Variants in NDUFAF7 observed in about 807,000 individuals in gnomAD.
NDUFAF7 encodes the protein NADH:ubiquinone oxidoreductase complex assembly factor 7.
A neutral mutation model predicts 47.2 loss-of-function variants in NDUFAF7; 48 were observed. That is an observed-to-expected ratio of 1.02 (90% CI 0.81 to 1.29). The LOEUF is 1.29. NDUFAF7 is among the 50% of genes most tolerant of loss of function. The pLI is 0.00. For synonymous variants in NDUFAF7, 217 were observed against 190.0 expected (o/e 1.14, Z -1.17); for missense variants, 635 against 537.6 (o/e 1.18, Z -1.79).
intron 6 of NDUFAF7, 67 bp from the exon 7 acceptor site, chr2:37,243,796 T>G: frequency 8.5e-7 from 1 of 1,182,324 alleles, no homozygotes; most frequent in Non-Finnish European, 1.3e-6. Context: ...AAAAAGCTAT[T>G]TTTGGTAGAA....
At chr2:37,240,180 C>T (rs977850015) in intron 4 of NDUFAF7, among the ~76,000 whole-genome samples, 1 of 152,118 alleles carries the variant, frequency 6.6e-6, no homozygotes, top group African/African-American at 2.4e-5. Context: ...CCTGTAATCG[C>T]AGCACTTTGG....
downstream of NDUFAF7, chr2:37,256,628 ATTTT>A (rs56389006): frequency 0.15 from 177,072 of 1,157,822 alleles, 5,020 homozygotes; most frequent in Non-Finnish European, 0.17. Flanking sequence ...CATAGCCAAA[ATTTT>A]TTTTTTTTTT....
chr2:37,256,542 A>G (rs1262661067), downstream of NDUFAF7: 3 of 1,252,186 alleles, frequency 2.4e-6, no homozygotes, highest in African/African-American at 4.6e-5. Flanking sequence ...TGGAAGATGA[A>G]TGGGAGATGT....
chr2:37,247,723 T>C, intron 9 of NDUFAF7, 94 bp downstream of exon 9: 1 of 1,418,982 alleles, frequency 7.0e-7, no homozygotes, highest in Non-Finnish European at 9.8e-7. Context: ...AATGCTCTTG[T>C]AGTTAGCCAA....
intron 6 of NDUFAF7, 82 bp from the exon 7 acceptor site, chr2:37,243,781 A>G: frequency 1.1e-6 from 1 of 945,182 alleles, no homozygotes; most frequent in East Asian, 2.6e-5. Context: ...TTATGGTAAG[A>G]GGAGAAAAAG....
At chr2:37,269,770 TCAATA>T in the NDUFAF7 span, 13 of 946,014 alleles carry the variant, frequency 1.4e-5, no homozygotes, top group Non-Finnish European at 2.1e-5. Context: ...TCCAAATACT[TCAATA>T]CATTTTTATG....
chr2:37,256,018 T>C (rs912526455), downstream of NDUFAF7, among the ~76,000 whole-genome samples: 1 of 151,856 alleles, frequency 6.6e-6, no homozygotes, highest in African/African-American at 2.4e-5. Flanking sequence ...TCAATAAAAA[T>C]AAAAAAAGAT....
downstream of NDUFAF7, chr2:37,256,628 ATTTTTTTTT>A (rs56389006): frequency 9.9e-3 from 11,819 of 1,192,228 alleles, 29 homozygotes; most frequent in East Asian, 0.025. Flanking sequence ...CATAGCCAAA[ATTTTTTTTT>A]TTTTTTTTTT....
chr2:37,258,945 G>C, the NDUFAF7 span, among the ~76,000 whole-genome samples: 2 of 152,042 alleles, frequency 1.3e-5, no homozygotes, highest in Admixed American at 1.3e-4. Flanking sequence ...AATGGCTGCA[G>C]GGTACCACCA....
chr2:37,258,695 A>G, the NDUFAF7 span, among the ~76,000 whole-genome samples: 1 of 152,242 alleles, frequency 6.6e-6, no homozygotes, highest in Non-Finnish European at 1.5e-5. Flanking sequence ...ATGATAGGGA[A>G]TCACTTTTAA....
the NDUFAF7 span, chr2:37,267,792 T>C: frequency 2.6e-6 from 1 of 391,680 alleles, no homozygotes. Flanking sequence ...TGCTGAAAAG[T>C]AATCTACCTT....
chr2:37,247,199 G>A (rs184698000), intron 8 of NDUFAF7: 85 of 504,458 alleles, frequency 1.7e-4, no homozygotes, highest in African/African-American at 1.1e-3. Context: ...CTATGTCTAC[G>A]TTGCTGAAAA....
At chr2:37,233,986 C>T (rs149897418) in intron 2 of NDUFAF7, among the ~76,000 whole-genome samples, 2,342 of 152,308 alleles carry the variant, frequency 0.015, 41 homozygotes, top group Non-Finnish European at 0.022. Context: ...ATTGGTATTT[C>T]CTTATCACAA....
chr2:37,234,915 A>T (rs1471292460), intron 2 of NDUFAF7, among the ~76,000 whole-genome samples: 1 of 152,192 alleles, frequency 6.6e-6, no homozygotes, highest in Admixed American at 6.5e-5. Context: ...GGCCCATGTC[A>T]CCTGTAGTAA....
chr2:37,245,930 CAT>C (rs1301202578), intron 7 of NDUFAF7, 120 bp from the exon 8 acceptor site: 1 of 1,101,852 alleles, frequency 9.1e-7, no homozygotes, highest in African/African-American at 1.6e-5. Flanking sequence ...AGAACATACT[CAT>C]ATTAAGAATT....
chr2:37,237,702 A>G, intron 3 of NDUFAF7, 55 bp from the exon 4 acceptor site: 4 of 1,308,278 alleles, frequency 3.1e-6, no homozygotes, highest in Admixed American at 1.8e-5. Flanking sequence ...ATATTGTGGT[A>G]TACTTTTATA....
chr2:37,258,357 ACT>A (rs1374066191), downstream of NDUFAF7, among the ~76,000 whole-genome samples: 1 of 152,152 alleles, frequency 6.6e-6, no homozygotes, highest in Non-Finnish European at 1.5e-5. Context: ...AGAAATACAA[ACT>A]CTTTTTTTGT....
intron 7 of NDUFAF7, 148 bp from the exon 8 acceptor site, chr2:37,245,904 G>A: frequency 2.4e-6 from 2 of 843,192 alleles, no homozygotes; most frequent in Middle Eastern, 3.6e-4. Context: ...GGAGTCAGGT[G>A]AAAAGTTGAG....
chr2:37,255,008 G>T (rs1398033778), downstream of NDUFAF7, among the ~76,000 whole-genome samples: 1 of 152,116 alleles, frequency 6.6e-6, no homozygotes, highest in Non-Finnish European at 1.5e-5. Context: ...TGAAATATTG[G>T]TAACAAAAGG....
Sources: gnomAD v4.1 joint callset for allele counts (sites outside exome capture counted in the v4.1 genomes callset) on GRCh38, gnomAD v4.1.1 for gene constraint, MANE v1.5 for transcripts, NCBI Gene and HGNC (gene_info 2026-07-23, HGNC 2026-07-21) for gene names.